Variants in CELF2 observed in about 807,000 individuals in gnomAD.
The protein encoded by CELF2 is CUG triplet repeat RNA-binding protein 2.
CELF2 carries 8 observed loss-of-function variants against 62.6 expected under a neutral mutation model. The observed-to-expected ratio is 0.13, with a 90% confidence interval of 0.07 to 0.23. The LOEUF is 0.23. Ranked by LOEUF, CELF2 falls within the 10% of genes least tolerant of loss-of-function variation. The pLI, the probability that CELF2 is intolerant of heterozygous loss-of-function variation, is 1.00. For synonymous variants in CELF2, 258 were observed against 250.0 expected, an observed-to-expected ratio of 1.03 and a Z score of -0.30; for missense variants, 333 against 671.0, an observed-to-expected ratio of 0.50 and a Z score of 5.56.
intron 1 of CELF2, among the ~76,000 whole-genome samples, chr10:11,007,132 C>A (rs138866550): frequency 6.6e-6 from 1 of 152,236 alleles, no homozygotes; most frequent in Non-Finnish European, 1.5e-5. Context: ...AGCAATATAT[C>A]AGAATATATT....
rs141490139 is a variant in CELF2 at position 11,061,843 on chromosome 10, C to T, written c.74+43680C>T. Among the ~76,000 whole-genome samples the T allele has an allele frequency of 1.9e-3, 296 of 152,326 alleles. 5 individuals carry two copies. The East Asian group carries it at 0.048, about 25-fold the overall frequency. On this transcript the variant is annotated intron_variant, in intron 1 of 12. Coordinates refer to ENST00000633077, the MANE Select transcript of CELF2 (RefSeq NM_001326342.2). ...GTTTGTTTTAATTGAGGCAGAGTCT[C>T]GCTCTGTCACCTAGGCTGGAGTGCA...
chr10:11,186,838 C>T (rs959318337), intron 2 of CELF2, among the ~76,000 whole-genome samples: 2 of 152,132 alleles, frequency 1.3e-5, no homozygotes, highest in Non-Finnish European at 2.9e-5. Context: ...GGATCTCAAC[C>T]TGTATTTGAG....
At chr10:10,933,419 T>C (rs1015068498) in intron 2 of CELF2, among the ~76,000 whole-genome samples, 2 of 152,238 alleles carry the variant, frequency 1.3e-5, no homozygotes, top group African/African-American at 4.8e-5. Flanking sequence ...TGTCATCTCA[T>C]ACAATTATCA....
chr10:10,612,773 C>T, the CELF2 span, among the ~76,000 whole-genome samples: 1 of 152,188 alleles, frequency 6.6e-6, no homozygotes, highest in East Asian at 1.9e-4. Flanking sequence ...TTGCATGTCC[C>T]TTCAGAGCCA....
chr10:10,588,933 C>A, the CELF2 span, among the ~76,000 whole-genome samples: 1 of 152,140 alleles, frequency 6.6e-6, no homozygotes, highest in African/African-American at 2.4e-5. Context: ...TTACCCGGTC[C>A]TATAAAACAA....
chr10:11,092,727 G>T (rs1253635495), intron 1 of CELF2, among the ~76,000 whole-genome samples: 2 of 152,160 alleles, frequency 1.3e-5, no homozygotes, highest in East Asian at 3.9e-4. Flanking sequence ...TTCTTTCCAG[G>T]TTTTGTGAAT....
intron 2 of CELF2, among the ~76,000 whole-genome samples, chr10:11,180,751 A>G (rs1488003878): frequency 1.3e-5 from 2 of 152,236 alleles, no homozygotes; most frequent in African/African-American, 4.8e-5. Context: ...ATGTGTCCTC[A>G]CAATAATCCT....
the CELF2 span, among the ~76,000 whole-genome samples, chr10:10,727,684 G>A: frequency 6.6e-6 from 1 of 151,822 alleles, no homozygotes; most frequent in Non-Finnish European, 1.5e-5. Context: ...GCTGAGGCAG[G>A]AGAATGGCAT....
the CELF2 span, among the ~76,000 whole-genome samples, chr10:10,607,509 C>T: frequency 6.6e-6 from 1 of 152,148 alleles, no homozygotes; most frequent in Non-Finnish European, 1.5e-5. Flanking sequence ...TTTCATTCAT[C>T]CTGATTTCCC....
chr10:10,874,028 T>C (rs984795708), intron 1 of CELF2, among the ~76,000 whole-genome samples: 1 of 152,202 alleles, frequency 6.6e-6, no homozygotes, highest in South Asian at 2.1e-4. Context: ...AAAATGATTC[T>C]GGCCAGGTAC....
intron 1 of CELF2, among the ~76,000 whole-genome samples, chr10:10,871,653 C>T (rs1423264950): frequency 1.3e-5 from 2 of 152,026 alleles, no homozygotes; most frequent in Non-Finnish European, 2.9e-5. Context: ...AGAAAGAAAT[C>T]CCAATTCAGG....
the CELF2 span, among the ~76,000 whole-genome samples, chr10:10,621,584 A>G: frequency 5.5e-4 from 84 of 152,290 alleles, 1 homozygote; most frequent in Non-Finnish European, 7.4e-5. Flanking sequence ...GGGTACCCAC[A>G]TAAGTCACCT....
At position 11,011,371 on chromosome 10, in the gene CELF2, G is replaced by C. The variant is rs1427214248; in HGVS notation, c.53+5931G>C. 6.6e-6 allele frequency among the ~76,000 whole-genome samples: 1 copy of C among 151,742 alleles called. No individual in the cohort carries two copies. The highest frequency in any genetic ancestry group is 1.9e-4 in the East Asian group (1 of 5,170). ...CAAGTGGCGAGATGCAGAGACAGGG[G>C]AGTTGAGCTGGGCCCTGAAGGATGG... On this transcript the variant is annotated intron_variant, in intron 1 of 12. Coordinates refer to the CELF2 transcript ENST00000416382. The surrounding 1 kb of genome is among the most constrained non-coding windows in gnomAD (Gnocchi z 4.6).
chr10:10,467,920 T>C, the CELF2 span, among the ~76,000 whole-genome samples: 1 of 152,078 alleles, frequency 6.6e-6, no homozygotes. Context: ...CAAGAGACTT[T>C]TATAAGAAAT....
intron 1 of CELF2, among the ~76,000 whole-genome samples, chr10:11,079,443 C>A (rs1388962291): frequency 2.0e-5 from 3 of 152,092 alleles, no homozygotes; most frequent in Non-Finnish European, 4.4e-5. Context: ...TGTAATAATA[C>A]CCATGAGTCA....
chr10:10,930,573 G>A (rs927653782), intron 2 of CELF2, among the ~76,000 whole-genome samples: 14 of 152,094 alleles, frequency 9.2e-5, no homozygotes, highest in Middle Eastern at 3.2e-3. Flanking sequence ...TGGATTTGTC[G>A]CCATAGAGAA....
At chr10:11,014,877 T>A (rs891165499), upstream of CELF2, among the ~76,000 whole-genome samples, 2 of 152,136 alleles carry the variant, frequency 1.3e-5, no homozygotes, top group Non-Finnish European at 2.9e-5. Context: ...GGTAGGGGGA[T>A]GGGGCTAAGA....
chr10:10,604,696 G>A, the CELF2 span, among the ~76,000 whole-genome samples: 9 of 115,972 alleles, frequency 7.8e-5, no homozygotes, highest in African/African-American at 2.4e-4. Context: ...TCAGATAATG[G>A]GAAAAAGCAG....
At chr10:11,031,248 T>G (rs1367725505) in intron 1 of CELF2, among the ~76,000 whole-genome samples, 5 of 152,150 alleles carry the variant, frequency 3.3e-5, no homozygotes, top group Admixed American at 3.3e-4. Flanking sequence ...CCCTCCTCCT[T>G]AAGTAGGCCT....
Sources: allele counts gnomAD v4.1 joint callset (sites outside exome capture counted in the v4.1 genomes callset), GRCh38; gene constraint gnomAD v4.1.1; non-coding constraint Gnocchi (gnomAD v3.1); transcripts MANE v1.5; gene names NCBI Gene and HGNC (gene_info 2026-07-23, HGNC 2026-07-21).